FLT4: variants seen among roughly 807,000 people sequenced by gnomAD.
FLT4 encodes fms related receptor tyrosine kinase 4.
FLT4 carries 30 observed loss-of-function variants against 163.2 expected under a neutral mutation model. That is an observed-to-expected ratio of 0.18 (90% CI 0.14 to 0.25). The LOEUF (loss-of-function observed/expected upper bound fraction) is 0.25. FLT4 is among the 10% of genes least tolerant of loss of function. FLT4 has a pLI of 1.00. For synonymous variants in FLT4, 884 were observed against 789.5 expected, an observed-to-expected ratio of 1.12 and a Z score of -2.01; for missense variants, 1,510 against 1,863.8, an observed-to-expected ratio of 0.81 and a Z score of 3.50.
intron 8 of FLT4, among the ~76,000 whole-genome samples, chr5:180,628,592 G>A (rs575510187): frequency 1.3e-5 from 2 of 152,336 alleles, no homozygotes; most frequent in East Asian, 3.9e-4. Context: ...GGGGCCCAGC[G>A]GTCAGGAGGC....
At position 180,621,750 on chromosome 5, in the gene FLT4, G is replaced by A. The variant is rs759888552; in HGVS notation, c.1812C>T (p.Asn604=). The A allele has an allele frequency of 4.9e-5, 79 of 1,613,048 alleles. No individual in the cohort carries two copies. The highest frequency in any genetic ancestry group is 6.3e-5 in the Non-Finnish European group (74 of 1,179,988). Residue 604 remains asparagine, a synonymous_variant, in exon 13 of 30, where the codon AAC becomes AAT. Transcript: ENST00000261937. ...CGTTCTTGCAGTCGAGCAGAAGCGG[G>A]TTCCCGTGCGCATCGTGCAGCGTGG... ...NLSTLHDAHG[N]PLLLDCKNVH...
intron 29 of FLT4, among the ~76,000 whole-genome samples, chr5:180,604,092 C>T (rs908732284): frequency 6.6e-6 from 1 of 152,092 alleles, no homozygotes; most frequent in African/African-American, 2.4e-5. Flanking sequence ...GCATGGCATG[C>T]GTTCAGACTT....
chr5:180,631,866 C>T (rs1764194393), intron 1 of FLT4, 88 bp from the exon 2 acceptor site: 6 of 926,202 alleles, frequency 6.5e-6, no homozygotes, highest in Non-Finnish European at 8.6e-6. Context: ...GCATCGCAAG[C>T]GCAGACCCCT....
chr5:180,621,572 G>T lies in FLT4; in HGVS notation c.1990C>A (p.His664Asn), dbSNP rs774487220. The T allele has an allele frequency of 7.2e-5, 116 of 1,611,868 alleles. 1 individual carries two copies. Among genetic ancestry groups the T allele is most frequent in the Non-Finnish European group, 8.5e-7 (1 of 1,179,476 alleles). The part of the protein sequence containing the change: ...EVQDRRSHDK[H>N]CHKKYLSVQA... ...ACCGACAGGTACTTCTTGTGGCAGT[G>T]CTTGTCATGGCTGCGCCGGTCTTGC... is the stretch of plus-strand genomic sequence containing the variant. Residue 664 changes from histidine to asparagine, a missense_variant, in exon 13 of 30, where the codon CAC becomes AAC. By Grantham distance (68) the His-to-Asn change is moderately conservative. This residue lies in a region of FLT4 where 878 missense variants were observed against 1,016.7 expected (regional missense o/e 0.86). Transcript: ENST00000261937.
At chr5:180,638,206 T>G (rs1161045940) in intron 1 of FLT4, among the ~76,000 whole-genome samples, 1 of 152,152 alleles carries the variant, frequency 6.6e-6, no homozygotes, top group Non-Finnish European at 1.5e-5. Context: ...GCAACTTCAG[T>G]TTTAAGCATC....
Position 180,620,700 on chromosome 5 carries a change from C to T in FLT4, c.2315G>A (p.Gly772Asp), listed in dbSNP as rs746340642. The T allele has an allele frequency of 1.9e-6, 3 of 1,613,348 alleles. No homozygotes were observed. Among genetic ancestry groups the T allele is most frequent in the Non-Finnish European group, 2.5e-6 (3 of 1,179,930 alleles). Residue 772 changes from glycine to aspartate, a missense_variant, in exon 16 of 30, where the codon GGC becomes GAC. Gly to Asp is a moderately conservative substitution (Grantham distance 94). Around this residue, in one of 5 missense-constraint regions of FLT4, gnomAD observed 878 missense variants for 1,016.7 expected, o/e 0.86. Coordinates refer to ENST00000261937, the MANE Select transcript of FLT4 (RefSeq NM_182925.5). The surrounding 1 kb of genome is among the most constrained non-coding windows in gnomAD (Gnocchi z 4.4). ...GACAAGGATCACGATCTCCATGCTG[C>T]CCTTATCCTCGGAGCCTGCGTGGGC... ...SVAVEGSEDK[G>D]SMEIVILVGT...
At position 180,630,401 on chromosome 5, in the gene FLT4, G is replaced by C; in HGVS notation, c.401-64C>G. The C allele has an allele frequency of 6.4e-7, 1 of 1,555,418 alleles. No homozygotes were observed. Among genetic ancestry groups the C allele is most frequent in the East Asian group, 2.3e-5 (1 of 44,242 alleles). On this transcript the variant is annotated intron_variant, in intron 3 of 29. Transcript: ENST00000261937. The surrounding 1 kb of genome is among the most constrained non-coding windows in gnomAD (Gnocchi z 6.3). ...CGGCCAGGCTGGGGGAGGGCTCCACGGGGCTGGGTGGTGCTGGTCCTGAAC... is the reference window on the plus strand; with the variant it reads ...CGGCCAGGCTGGGGGAGGGCTCCACCGGGCTGGGTGGTGCTGGTCCTGAAC...
At chr5:180,632,600 GT>G (rs1764267640) in intron 1 of FLT4, among the ~76,000 whole-genome samples, 1 of 620 alleles carries the variant, frequency 1.6e-3, no homozygotes, top group South Asian at 0.083. Flanking sequence ...CCGTGAGGTG[GT>G]GTGTGTGTGT....
At chr5:180,631,282 CTT>C (rs1561742082) in intron 2 of FLT4, among the ~76,000 whole-genome samples, 10 of 151,416 alleles carry the variant, frequency 6.6e-5, no homozygotes, top group African/African-American at 2.4e-4. Flanking sequence ...GACCATCCTG[CTT>C]AACACGGTGA....
In FLT4 at chr5:180,636,614, C is replaced by G. The variant is rs72818984; in HGVS notation, c.59-4836G>C. Among the ~76,000 whole-genome samples the G allele has an allele frequency of 5.0e-3, 765 of 151,908 alleles. 6 individuals are homozygous for G. The highest frequency in any genetic ancestry group is 0.017 in the Middle Eastern group (5 of 294). ...ACCATCCACAGGGCTGACTCACCAG[C>G]ACCCTGGCCTCTGAGATCCCCCCTG... On this transcript the variant is annotated intron_variant, in intron 1 of 29. Transcript: ENST00000261937. The surrounding 1 kb of genome is among the most constrained non-coding windows in gnomAD (Gnocchi z 4.3).
chr5:180,613,088 C>T lies in FLT4; in HGVS notation c.3354G>A (p.Val1118=), dbSNP rs1291383785. 2.5e-6 allele frequency: 4 copies of T among 1,613,456 alleles called. No homozygotes were observed. Among genetic ancestry groups the T allele is most frequent in the African/African-American group, 1.3e-5 (1 of 74,912 alleles). The change falls in exon 25 of 30, where the codon GTG becomes GTA. Residue 1118 remains valine, a synonymous_variant. Transcript: ENST00000261937. ...FSLGASPYPG[V]QINEEFCQRL... ...GCTGGCAGAACTCCTCATTGATCTG[C>T]ACCCCAGGGTACGGGGAGGCCCCTG... is the stretch of plus-strand genomic sequence containing the variant.
chr5:180,612,891 G>T, intron 25 of FLT4, 120 bp downstream of exon 25: 1 of 752,082 alleles, frequency 1.3e-6, no homozygotes, highest in Non-Finnish European at 2.3e-6. Context: ...TATCTTGAGG[G>T]TGGTGCCCAG....
chr5:180,617,985 T>A lies in FLT4; in HGVS notation c.3001+785A>T, dbSNP rs421358. ...GGGACACCCACATCCTATTCCAGAG[T>A]ACCCTCTCCTGCCACTCAGCCTCTG... On this transcript the variant is annotated intron_variant, in intron 21 of 29. Coordinates refer to ENST00000261937, the MANE Select transcript of FLT4 (RefSeq NM_182925.5). Among the ~76,000 whole-genome samples, 4 of 5,478 alleles carry A rather than the reference T, an allele frequency of 7.3e-4. 1 individual carries two copies. Among genetic ancestry groups the A allele is most frequent in the African/African-American group, 2.6e-3 (4 of 1,546 alleles). The allele number at this position is 5,478 out of a possible 152,430, so 3.6% of individuals were successfully genotyped here.
rs373353992 is a variant in FLT4 at position 180,630,637 on chromosome 5, T to C, written c.318A>G (p.Thr106=). ...ACTTGTAGTAGCAGACGTAGCTGCC[T>C]GTGTCGTTGGCATGTACCTCGTGCA... ...LLLHEVHAND[T]GSYVCYYKYI... is the part of the protein sequence containing the mutation. Residue 106 remains threonine, a synonymous_variant, in exon 3 of 30, where the codon ACA becomes ACG. Coordinates refer to ENST00000261937, the MANE Select transcript of FLT4 (RefSeq NM_182925.5). The surrounding 1 kb of genome is among the most constrained non-coding windows in gnomAD (Gnocchi z 6.3). The C allele has an allele frequency of 2.0e-5, 33 of 1,613,134 alleles. No individual in the cohort carries two copies. The Middle Eastern group carries it at 2.0e-3, about 97-fold the overall frequency.
chr5:180,636,334 G>A lies in FLT4; in HGVS notation c.59-4556C>T, dbSNP rs1049767405. Among the ~76,000 whole-genome samples the A allele has an allele frequency of 1.2e-4, 18 of 152,044 alleles. No individual in the cohort carries two copies. Among genetic ancestry groups the A allele is most frequent in the African/African-American group, 4.4e-4 (18 of 41,366 alleles). ...CCGAATGTCCCTTCCTGCCTTATGT[G>A]AAGCCTGGCTTTCTGGCCACGGCAC... On this transcript the variant is annotated intron_variant, in intron 1 of 29. Coordinates refer to ENST00000261937, the MANE Select transcript of FLT4 (RefSeq NM_182925.5). The surrounding 1 kb of genome is among the most constrained non-coding windows in gnomAD (Gnocchi z 4.3).
In FLT4 at chr5:180,622,260, C is replaced by CCATCTCTCTGCTGGTGCCCTGATCTA. The variant is rs66496613; in HGVS notation, c.1658-382_1658-357dup. Among the ~76,000 whole-genome samples the CCATCTCTCTGCTGGTGCCCTGATCTA allele has an allele frequency of 8.0e-3, 1,216 of 151,256 alleles. 23 individuals are homozygous for CCATCTCTCTGCTGGTGCCCTGATCTA. The highest frequency in any genetic ancestry group is 0.025 in the African/African-American group (1,023 of 41,056). Reference sequence around the variant, plus strand: ...CAGCCCCCGGGTGTTCTTTTGGGCTCCATCTCTCTGCTGGTGCCCTGATCT... The same window carrying CCATCTCTCTGCTGGTGCCCTGATCTA: ...CAGCCCCCGGGTGTTCTTTTGGGCTCCATCTCTCTGCTGGTGCCCTGATCTACATCTCTCTGCTGGTGCCCTGATCT... On this transcript the variant is annotated intron_variant, in intron 12 of 29. Transcript: ENST00000261937.
chr5:180,609,875 A>C (rs1381062754), intron 28 of FLT4, 30 bp downstream of exon 28: 27 of 1,613,534 alleles, frequency 1.7e-5, no homozygotes, highest in Middle Eastern at 1.7e-4. Context: ...CTGAGCCGAG[A>C]GCGCAGCCCC....
rs934390060 is a variant in FLT4 at position 180,636,193 on chromosome 5, CAT to C, written c.59-4417_59-4416del. Among the ~76,000 whole-genome samples the C allele has an allele frequency of 6.6e-6, 1 of 152,102 alleles. No homozygotes were observed. The highest frequency in any genetic ancestry group is 2.4e-5 in the African/African-American group (1 of 41,374). On this transcript the variant is annotated intron_variant, in intron 1 of 29. Coordinates refer to ENST00000261937, the MANE Select transcript of FLT4 (RefSeq NM_182925.5). This position sits in a 1 kb window ranked among gnomAD's most constrained non-coding sequence, Gnocchi z 4.3. ...CCCATCCACGCAAGCTTTTTCATGA[CAT>C]GTCTCCTTTTTCATGACATACCATA...
intron 12 of FLT4, 31 bp downstream of exon 12, chr5:180,622,700 C>T (rs778846827): frequency 1.4e-6 from 2 of 1,424,306 alleles, no homozygotes; most frequent in Admixed American, 1.7e-5. Flanking sequence ...ACCCTGTACC[C>T]AGGCCTCCCC....
Sources: allele counts gnomAD v4.1 joint callset (sites outside exome capture counted in the v4.1 genomes callset), GRCh38; gene constraint gnomAD v4.1.1; regional missense constraint gnomAD v4.1.1; non-coding constraint Gnocchi (gnomAD v3.1); transcripts MANE v1.5; gene names NCBI Gene and HGNC (gene_info 2026-07-23, HGNC 2026-07-21).